Variants in CYP39A1 observed in about 807,000 individuals in gnomAD.
CYP39A1 encodes the protein 24-hydroxycholesterol 7-alpha-hydroxylase.
Under a neutral mutation model 58.1 loss-of-function variants are expected in CYP39A1, and 49 were observed. That is an observed-to-expected ratio of 0.84 (90% CI 0.67 to 1.07). The LOEUF is 1.07. Among genes scored for constraint, CYP39A1 ranks in the 50% least tolerant of loss-of-function variants. The pLI is 0.00. For synonymous variants in CYP39A1, 209 were observed against 187.6 expected (o/e 1.11, Z -0.93); for missense variants, 531 against 539.4 (o/e 0.98, Z 0.16).
intron 5 of CYP39A1, among the ~76,000 whole-genome samples, chr6:46,633,446 ACT>A (rs1168389536): frequency 6.6e-6 from 1 of 152,204 alleles, no homozygotes; most frequent in Non-Finnish European, 1.5e-5. Flanking sequence ...TAAAAATGAA[ACT>A]CAACTTCTAC....
At chr6:46,623,803 T>G (rs777710923) in intron 7 of CYP39A1, among the ~76,000 whole-genome samples, 46 of 152,110 alleles carry the variant, frequency 3.0e-4, no homozygotes, top group Non-Finnish European at 4.0e-4. Flanking sequence ...CTCACAACAT[T>G]TAAATTCCTG....
intron 2 of CYP39A1, among the ~76,000 whole-genome samples, chr6:46,640,737 C>T (rs770424327): frequency 6.6e-6 from 1 of 151,972 alleles, no homozygotes; most frequent in Non-Finnish European, 1.5e-5. Flanking sequence ...GCACAGTACT[C>T]AATAGTTAGT....
rs140789265 is a variant in CYP39A1, at chr6:46,631,035, C to G, written c.768G>C (p.Thr256=). ...TGGGTGAGTTTTCCTTACTTGTTTC[C>G]GTCTCTACAATATCCAGCGTAGCTT... ...LLQATLDIVE[T]ETSKENSPNY... The change falls in exon 6 of 12, where the codon ACG becomes ACC. Residue 256 remains threonine (T), a synonymous_variant. Transcript: ENST00000275016. 4 of 1,613,824 alleles carry G rather than the reference C, an allele frequency of 2.5e-6. No individual in the cohort carries two copies. Among genetic ancestry groups the G allele is most frequent in the Non-Finnish European group, 2.5e-6 (3 of 1,179,970 alleles).
chr6:46,576,585 C>A (rs776550224), intron 10 of CYP39A1, among the ~76,000 whole-genome samples: 2 of 152,132 alleles, frequency 1.3e-5, no homozygotes, highest in Non-Finnish European at 2.9e-5. Context: ...GAAACCCAAT[C>A]CAAGGAAAAC....
intron 7 of CYP39A1, among the ~76,000 whole-genome samples, chr6:46,599,007 A>G (rs1453127781): frequency 6.6e-6 from 1 of 152,178 alleles, no homozygotes; most frequent in African/African-American, 2.4e-5. Flanking sequence ...ATAGCTAATA[A>G]AGTTATTCTT....
rs761759142 is a variant in CYP39A1, at chr6:46,553,829, T to C, written c.1276A>G (p.Met426Val). The C allele has an allele frequency of 5.6e-6, 9 of 1,609,262 alleles. No individual in the cohort carries two copies. In the East Asian group the frequency reaches 1.8e-4, roughly 32 times the overall value. Residue 426 changes from methionine (M) to valine (V), a missense_variant, in exon 11 of 12, where the codon ATG becomes GTG. Met to Val is a conservative substitution (Grantham distance 21). Coordinates refer to ENST00000275016, the MANE Select transcript of CYP39A1 (RefSeq NM_016593.5). ...ARWFALLEVQ[M>V]CIILILYKYD... ...TTATAAAGTATTAAAATAATACACA[T>C]CTGAACCTCTAACAGAGCAAACCAC...
At chr6:46,555,399 AGAG>A (rs555768393) in intron 10 of CYP39A1, among the ~76,000 whole-genome samples, 263 of 152,316 alleles carry the variant, frequency 1.7e-3, no homozygotes, top group African/African-American at 5.4e-3. Flanking sequence ...GGGCTCTCCC[AGAG>A]GAGGATTTGT....
chr6:46,646,776 T>C (rs1379246258), intron 1 of CYP39A1, among the ~76,000 whole-genome samples: 1 of 152,092 alleles, frequency 6.6e-6, no homozygotes, highest in Non-Finnish European at 1.5e-5. Flanking sequence ...GTATATTGGA[T>C]AGTTTTGTTA....
At chr6:46,571,626 T>C (rs115300149) in intron 10 of CYP39A1, among the ~76,000 whole-genome samples, 10 of 152,150 alleles carry the variant, frequency 6.6e-5, no homozygotes, top group Non-Finnish European at 1.3e-4. Flanking sequence ...GGGAGCATTT[T>C]ATAGGCAATA....
chr6:46,641,705 T>C (rs1011359417), intron 2 of CYP39A1, among the ~76,000 whole-genome samples: 6 of 152,176 alleles, frequency 3.9e-5, no homozygotes, highest in South Asian at 2.1e-4. Flanking sequence ...CAAGCTCCCA[T>C]TGACCATAAC....
At chr6:46,577,658 C>G (rs973668630) in intron 10 of CYP39A1, among the ~76,000 whole-genome samples, 3 of 151,870 alleles carry the variant, frequency 2.0e-5, no homozygotes, top group African/African-American at 7.3e-5. Flanking sequence ...GACTTTAAAC[C>G]AACAATGCTC....
At chr6:46,564,764 A>T (rs1342122566) in intron 10 of CYP39A1, among the ~76,000 whole-genome samples, 1 of 152,192 alleles carries the variant, frequency 6.6e-6, no homozygotes, top group South Asian at 2.1e-4. Flanking sequence ...CATGTGCTGG[A>T]AAGCTATCAC....
chr6:46,607,464 T>TACACACAC (rs3839568), intron 7 of CYP39A1, among the ~76,000 whole-genome samples: 108 of 145,592 alleles, frequency 7.4e-4, no homozygotes, highest in South Asian at 4.2e-3. Flanking sequence ...CCCTTCCCCC[T>TACACACAC]ACACACACAC....
At chr6:46,611,588 A>G (rs1197621777) in intron 7 of CYP39A1, among the ~76,000 whole-genome samples, 1 of 152,240 alleles carries the variant, frequency 6.6e-6, no homozygotes, top group Non-Finnish European at 1.5e-5. Context: ...TGTTATTTTA[A>G]GAAGTGCTTC....
At chr6:46,610,402 C>T (rs569143672) in intron 7 of CYP39A1, among the ~76,000 whole-genome samples, 2 of 152,240 alleles carry the variant, frequency 1.3e-5, no homozygotes, top group South Asian at 4.2e-4. Context: ...AGTGCAGTGG[C>T]ACTATCATAA....
chr6:46,562,811 T>C (rs1771055461), intron 10 of CYP39A1, among the ~76,000 whole-genome samples: 1 of 152,032 alleles, frequency 6.6e-6, no homozygotes, highest in South Asian at 2.1e-4. Context: ...CCTAATTAAT[T>C]TTAGTCTATG....
chr6:46,564,542 G>A (rs1771172758), intron 10 of CYP39A1, among the ~76,000 whole-genome samples: 1 of 152,120 alleles, frequency 6.6e-6, no homozygotes, highest in Non-Finnish European at 1.5e-5. Flanking sequence ...CAGAAGGCCA[G>A]AAGGAAGGAG....
At chr6:46,640,769 C>T (rs1015169128) in intron 2 of CYP39A1, among the ~76,000 whole-genome samples, 6 of 145,494 alleles carry the variant, frequency 4.1e-5, no homozygotes, top group African/African-American at 1.3e-4. Context: ...TGCCCCCTGC[C>T]GCCCACCCCC....
chr6:46,554,069 T>C (rs186590820), intron 10 of CYP39A1, among the ~76,000 whole-genome samples: 5 of 152,348 alleles, frequency 3.3e-5, no homozygotes, highest in Admixed American at 3.3e-4. Context: ...TTAAAATGTA[T>C]ATAAAGTGCT....
Sources: gnomAD v4.1 joint callset for allele counts (sites outside exome capture counted in the v4.1 genomes callset) on GRCh38, gnomAD v4.1.1 for gene constraint, MANE v1.5 for transcripts, NCBI Gene and HGNC (gene_info 2026-07-23, HGNC 2026-07-21) for gene names.